Variants in TCIRG1 observed in about 807,000 individuals in gnomAD.
TCIRG1 encodes T cell immune regulator 1, ATPase H+ transporting V0 subunit a3.
In TCIRG1, 86 loss-of-function variants were observed where a neutral mutation model predicts 95.5. The observed-to-expected ratio is 0.90, with a 90% CI of 0.76 to 1.08. TCIRG1 has a LOEUF of 1.08. TCIRG1 is among the 50% of genes least tolerant of loss of function. The pLI, the probability that TCIRG1 is intolerant of heterozygous loss-of-function variation, is 0.00. For synonymous variants in TCIRG1, 499 were observed against 501.3 expected (o/e 1.00, Z 0.06); for missense variants, 1,069 against 1,140.2 (o/e 0.94, Z 0.90).
rs1234810966 is a variant in TCIRG1, at chr11:68,043,725, A to T, written c.713+72A>T. On this transcript the variant is annotated intron_variant, in intron 7 of 19. Transcript: ENST00000265686. ...CTGCTGTCACCTCCCAGCCCGCCCT[A>T]TCGTGACTCCTCCCCATGAGCTCCC... 15 of 1,538,164 alleles carry T rather than the reference A, an allele frequency of 9.8e-6. 1 individual carries two copies. The South Asian group carries it at 1.7e-4, about 17-fold the overall frequency.
In TCIRG1 at chr11:68,047,698, T is replaced by G. The variant is rs1855574242; in HGVS notation, c.1357T>G (p.Phe453Val). The G allele has an allele frequency of 6.2e-7, 1 of 1,612,158 alleles. No individual in the cohort carries two copies. The highest frequency in any genetic ancestry group is 1.1e-5 in the South Asian group (1 of 91,030). Residue 453 changes from phenylalanine (F) to valine (V), a missense_variant, in exon 12 of 20, where the codon TTC becomes GTC. Physicochemically the swap from Phe to Val is conservative, Grantham distance 50. Coordinates refer to ENST00000265686, the MANE Select transcript of TCIRG1 (RefSeq NM_006019.4). ...GRYLLLLMGLFSIYTGFIYNE... is the reference protein window; with the variant it reads ...GRYLLLLMGLVSIYTGFIYNE... ...CTACCTGCTCCTGCTTATGGGCCTG[T>G]TCTCCATCTACACCGGCTTCATCTA...
Position 68,047,456 on chromosome 11 carries a change from C to T in TCIRG1, c.1189C>T (p.Pro397Ser), listed in dbSNP as rs537603997. 18 of 1,614,102 alleles carry T rather than the reference C, an allele frequency of 1.1e-5. No homozygotes were observed. Among genetic ancestry groups the T allele is most frequent in the African/African-American group, 1.1e-4 (8 of 75,060 alleles). ...NPAPYTIITF[P>S]FLFAVMFGDV... ...AGCTCCCTACACCATCATCACCTTC[C>T]CCTTCCTGTTTGCTGTGATGTTCGG... The change falls in exon 11 of 20, where the codon CCC becomes TCC. Residue 397 changes from proline to serine, a missense_variant. Pro to Ser is a moderately conservative substitution (Grantham distance 74). Coordinates refer to ENST00000265686, the MANE Select transcript of TCIRG1 (RefSeq NM_006019.4).
chr11:68,049,307 T>C lies in TCIRG1; in HGVS notation c.1887+13T>C. 1 of 1,602,370 alleles carries C rather than the reference T, an allele frequency of 6.2e-7. No homozygotes were observed. The highest frequency in any genetic ancestry group is 1.1e-5 in the South Asian group (1 of 90,692). ...CTACCCCCGGCAGGTGGGCTGCGGC[T>C]GGTGGGGGCCGGGCTCACACGGCCT... On this transcript the variant is annotated intron_variant, in intron 15 of 19. Transcript: ENST00000265686.
Position 68,050,576 on chromosome 11 carries a change from A to T in TCIRG1, c.2326A>T (p.Ile776Phe). The T allele has an allele frequency of 6.2e-7, 1 of 1,613,468 alleles. No individual in the cohort carries two copies. Among genetic ancestry groups the T allele is most frequent in the South Asian group, 1.1e-5 (1 of 91,076 alleles). Residue 776 changes from isoleucine to phenylalanine, a missense_variant, in exon 19 of 20, where the codon ATC becomes TTC. Coordinates refer to ENST00000265686, the MANE Select transcript of TCIRG1 (RefSeq NM_006019.4). ...CGTGGCGGCTGTGGTGCTGGTCCCCATCTTTGCCGCCTTTGCCGTGATGAC... is the reference window on the plus strand; with the variant it reads ...CGTGGCGGCTGTGGTGCTGGTCCCCTTCTTTGCCGCCTTTGCCGTGATGAC... The part of the protein sequence containing the change: ...VGVAAVVLVP[I>F]FAAFAVMTVA...
rs758621844 is a variant in TCIRG1 at position 68,044,989 on chromosome 11, G to C, written c.1052G>C (p.Arg351Pro). The C allele has an allele frequency of 4.4e-6, 7 of 1,608,480 alleles. No individual in the cohort carries two copies. Among genetic ancestry groups the C allele is most frequent in the Non-Finnish European group, 5.9e-6 (7 of 1,179,976 alleles). The change falls in exon 10 of 20, where the codon CGC becomes CCC. Residue 351 changes from arginine (R) to proline (P), a missense_variant. Transcript: ENST00000265686. ...GAGGGAGTGAGTGCCGTGGCTCACC[G>C]CATCCCCTGCCGGGACATGCCCCCC... ...MEEGVSAVAH[R>P]IPCRDMPPTL...
At chr11:68,051,317 C>T (rs551975933), downstream of TCIRG1, among the ~76,000 whole-genome samples, 593 of 152,292 alleles carry the variant, frequency 3.9e-3, 4 homozygotes, top group African/African-American at 0.014. Flanking sequence ...CACACACCTG[C>T]CAGGAAGGGT....
chr11:68,047,898 C>T lies in TCIRG1; in HGVS notation c.1480C>T (p.Gln494Ter), dbSNP rs1855589148. The T allele has an allele frequency of 6.2e-7, 1 of 1,613,724 alleles. No individual in the cohort carries two copies. Among genetic ancestry groups the T allele is most frequent in the Non-Finnish European group, 8.5e-7 (1 of 1,180,002 alleles). The part of the protein sequence containing the change: ...QSGWSDAFLA[Q>*]HTMLTLDPNV... The stretch of plus-strand genomic sequence containing the variant: ...TTGCCGCAGTGATGCATTCCTGGCC[C>T]AGCACACGATGCTTACCCTGGATCC... The change falls in exon 13 of 20, where the codon CAG (glutamine) becomes TAG (stop). Residue 494 changes from glutamine to a stop codon, truncating the protein, a stop_gained. Coordinates refer to ENST00000265686, the MANE Select transcript of TCIRG1 (RefSeq NM_006019.4). LOFTEE classifies it high-confidence loss of function.
chr11:68,045,201 C>A, intron 10 of TCIRG1, 99 bp downstream of exon 10: 1 of 1,461,778 alleles, frequency 6.8e-7, no homozygotes, highest in Non-Finnish European at 9.4e-7. Flanking sequence ...CTGGGCCTGG[C>A]CTGCCCTCCT....
At chr11:68,049,588 G>GT in intron 15 of TCIRG1, 75 bp from the exon 16 acceptor site, 2 of 1,556,130 alleles carry the variant, frequency 1.3e-6, no homozygotes, top group South Asian at 1.2e-5. Flanking sequence ...TCTGGGCCCC[G>GT]TGACTGCTGT....
chr11:68,048,153 A>G, intron 13 of TCIRG1, 181 bp downstream of exon 13: 1 of 685,192 alleles, frequency 1.5e-6, no homozygotes, highest in Non-Finnish European at 2.6e-6. Context: ...CAGTCCCCTG[A>G]GTGTGCGGAG....
In TCIRG1 at chr11:68,042,925, A is replaced by G. The variant is rs1855249165; in HGVS notation, c.418-21A>G. The G allele has an allele frequency of 1.3e-6, 2 of 1,551,356 alleles. No individual in the cohort carries two copies. Among genetic ancestry groups the G allele is most frequent in the Non-Finnish European group, 1.7e-6 (2 of 1,147,432 alleles). ...GGAGGGGCTGTCCAGCCTAGGGCTCATGGTGCTTCTGGGTTCCTAGCTGGC... is the reference window on the plus strand; with the variant it reads ...GGAGGGGCTGTCCAGCCTAGGGCTCGTGGTGCTTCTGGGTTCCTAGCTGGC... On this transcript the variant is annotated intron_variant, in intron 4 of 19. Transcript: ENST00000265686.
downstream of TCIRG1, chr11:68,052,148 G>C (rs370319627): frequency 6.6e-6 from 1 of 152,262 alleles, no homozygotes; most frequent in African/African-American, 2.4e-5. Flanking sequence ...CCTTGTCCAC[G>C]TGAGCTTATG....
At chr11:68,041,964 GC>G in intron 3 of TCIRG1, 133 bp downstream of exon 3, 1 of 817,300 alleles carries the variant, frequency 1.2e-6, no homozygotes, top group Non-Finnish European at 2.0e-6. Context: ...GCCCTGCAGG[GC>G]CAAGACAGAG....
At chr11:68,048,574 G>A (rs1447242345) in intron 13 of TCIRG1, among the ~76,000 whole-genome samples, 2 of 152,206 alleles carry the variant, frequency 1.3e-5, no homozygotes, top group East Asian at 1.9e-4. Flanking sequence ...GATTACAGGC[G>A]TGAGTCACCG....
At position 68,050,220 on chromosome 11, in the gene TCIRG1, C is replaced by T. The variant is rs1418553655; in HGVS notation, c.2202C>T (p.Tyr734=). 6.2e-7 allele frequency: 1 copy of T among 1,613,532 alleles called. No homozygotes were observed. The highest frequency in any genetic ancestry group is 2.2e-5 in the East Asian group (1 of 44,868). ...GCTGCGTCTCCAACACCGCCTCCTA[C>T]CTGCGCCTGTGGGCCCTGAGCCTGG... The part of the protein sequence containing the change: ...CLGCVSNTAS[Y]LRLWALSLAH... Residue 734 remains tyrosine, a synonymous_variant, in exon 18 of 20, where the codon TAC becomes TAT. Coordinates refer to ENST00000265686, the MANE Select transcript of TCIRG1 (RefSeq NM_006019.4).
Position 68,041,270 on chromosome 11 carries a change from C to T in TCIRG1, c.-2C>T. On this transcript the variant is annotated splice_region_variant and 5_prime_UTR_variant, in exon 2 of 20. Coordinates refer to ENST00000265686, the MANE Select transcript of TCIRG1 (RefSeq NM_006019.4). The stretch of plus-strand genomic sequence containing the variant: ...CCCCCATCCGTGTCCACCCACAGGA[C>T]CATGGGCTCCATGTTCCGGAGCGAG... 6.2e-7 allele frequency: 1 copy of T among 1,607,640 alleles called. No homozygotes were observed. Among genetic ancestry groups the T allele is most frequent in the Non-Finnish European group, 8.5e-7 (1 of 1,175,054 alleles).
Position 68,044,279 on chromosome 11 carries a change from A to G in TCIRG1, c.955A>G (p.Ile319Val), listed in dbSNP as rs1273183083. 3.1e-6 allele frequency: 5 copies of G among 1,605,198 alleles called. No individual in the cohort carries two copies. Among genetic ancestry groups the G allele is most frequent in the African/African-American group, 1.3e-5 (1 of 74,966 alleles). ...CSVSTTHKCLIAEAWCSVRDL... is the reference protein window; with the variant it reads ...CSVSTTHKCLVAEAWCSVRDL... ...CGTGAGCACCACGCACAAGTGCCTC[A>G]TTGCCGAGGCCTGGTGCTCTGTGCG... The change falls in exon 9 of 20, where the codon ATT (isoleucine) becomes GTT (valine). Residue 319 changes from isoleucine (I) to valine (V), a missense_variant. By Grantham distance (29) the Ile-to-Val change is conservative. Transcript: ENST00000265686.
chr11:68,042,561 G>T, intron 3 of TCIRG1, 82 bp from the exon 4 acceptor site: 2 of 1,161,168 alleles, frequency 1.7e-6, no homozygotes, highest in South Asian at 1.4e-5. Context: ...GCTGGTGGCC[G>T]ATGGAGTTTG....
At chr11:68,049,320 G>C in intron 15 of TCIRG1, 26 bp downstream of exon 15, 1 of 1,594,240 alleles carries the variant, frequency 6.3e-7, no homozygotes, top group East Asian at 2.2e-5. Flanking sequence ...TGGGGGCCGG[G>C]CTCACACGGC....
Sources: gnomAD v4.1 joint callset for allele counts (sites outside exome capture counted in the v4.1 genomes callset) on GRCh38, gnomAD v4.1.1 for gene constraint, MANE v1.5 for transcripts, NCBI Gene and HGNC (gene_info 2026-07-23, HGNC 2026-07-21) for gene names.